RYR3: variants seen among roughly 807,000 people sequenced by gnomAD.
RYR3 encodes the protein ryanodine receptor 3.
In RYR3, 207 loss-of-function variants were observed where a neutral mutation model predicts 584.3. The observed-to-expected ratio is 0.35, with a 90% CI of 0.32 to 0.40. The LOEUF is 0.40. Ranked by LOEUF, RYR3 falls within the 10% of genes least tolerant of loss-of-function variation. The pLI is 1.00. For missense variants in RYR3, 5,616 were observed against 6,089.2 expected, an observed-to-expected ratio of 0.92 and a Z score of 2.59; for synonymous variants, 2,416 against 2,248.5, an observed-to-expected ratio of 1.07 and a Z score of -2.11.
chr15:33,516,358 T>C lies in RYR3; in HGVS notation c.279+12620T>C, dbSNP rs1041016725. On this transcript the variant is annotated intron_variant, in intron 3 of 103. Transcript: ENST00000634891. Reference sequence around the variant, plus strand: ...AAGATCTACTTTTTTTTTTTTTTCCTCCTGAGACGGAATCTCACTCCGTCA... The same window carrying C: ...AAGATCTACTTTTTTTTTTTTTTCCCCCTGAGACGGAATCTCACTCCGTCA... Among the ~76,000 whole-genome samples the C allele has an allele frequency of 5.4e-5, 8 of 149,246 alleles. No individual in the cohort carries two copies. In the Admixed American group the frequency reaches 5.4e-4, roughly 10 times the overall value.
chr15:33,646,582 G>A (rs966334501), intron 29 of RYR3, 56 bp downstream of exon 29: 16 of 1,483,706 alleles, frequency 1.1e-5, no homozygotes, highest in Non-Finnish European at 1.5e-5. Flanking sequence ...TGTAAAGTGG[G>A]CTTTCTGCTT....
chr15:33,766,086 G>T (rs2073034550), intron 60 of RYR3, among the ~76,000 whole-genome samples: 1 of 151,994 alleles, frequency 6.6e-6, no homozygotes, highest in Non-Finnish European at 1.5e-5. Context: ...TTTGAGACCA[G>T]CCTGGCCAAC....
intron 95 of RYR3, among the ~76,000 whole-genome samples, 153 bp from the exon 96 acceptor site, chr15:33,853,402 C>G (rs1234670949): frequency 1.3e-5 from 2 of 152,126 alleles, no homozygotes; most frequent in East Asian, 3.8e-4. Context: ...GCTTTTTTCT[C>G]TGGGTTTTCT....
chr15:33,558,528 T>C (rs952966361), intron 10 of RYR3, among the ~76,000 whole-genome samples: 3 of 152,142 alleles, frequency 2.0e-5, no homozygotes, highest in African/African-American at 7.2e-5. Flanking sequence ...TCCAAGTCTT[T>C]GCTATTGTGA....
At position 33,634,700 on chromosome 15, in the gene RYR3, G is replaced by A. The variant is rs1212421506; in HGVS notation, c.3142G>A (p.Gly1048Arg). The change falls in exon 25 of 104, where the codon GGG becomes AGG. Residue 1048 changes from glycine to arginine, a missense_variant. Physicochemically the swap from Gly to Arg is moderately radical, Grantham distance 125. This residue lies in a region of RYR3 where 1,284 missense variants were observed against 1,344.6 expected (regional missense o/e 0.95). Transcript: ENST00000634891. ...REAVRTFVGY[G>R]YNIEPSDQEL... Reference sequence around the variant, plus strand: ...AGCTGTGCGCACTTTTGTTGGTTACGGGTATAACATTGAGCCATCAGACCA... The same window carrying A: ...AGCTGTGCGCACTTTTGTTGGTTACAGGTATAACATTGAGCCATCAGACCA... 3.1e-6 allele frequency: 5 copies of A among 1,613,926 alleles called. No individual in the cohort carries two copies. The highest frequency in any genetic ancestry group is 4.2e-6 in the Non-Finnish European group (5 of 1,179,844).
chr15:33,454,221 C>T (rs577360207), intron 1 of RYR3, among the ~76,000 whole-genome samples: 38 of 152,310 alleles, frequency 2.5e-4, no homozygotes, highest in Admixed American at 9.2e-4. Context: ...GAAGGACTAA[C>T]GGCACTCTGA....
In RYR3 at chr15:33,827,296, G is replaced by A. The variant is rs372864558; in HGVS notation, c.11334+9G>A. ...ACCTTCTGCGTCTGCAGGTGAGTGG[G>A]AGGGCCTTGGACAATGGGACCTCTC... is the stretch of plus-strand genomic sequence containing the variant. On this transcript the variant is annotated intron_variant, in intron 85 of 103. Transcript: ENST00000634891. The A allele has an allele frequency of 3.2e-6, 5 of 1,551,692 alleles. No homozygotes were observed. The African/African-American group carries it at 5.5e-5, about 17-fold the overall frequency.
chr15:33,837,056 A>T (rs954724895), intron 88 of RYR3, 69 bp downstream of exon 88: 2 of 1,239,872 alleles, frequency 1.6e-6, no homozygotes, highest in Non-Finnish European at 2.3e-6. Context: ...CTTACTGATC[A>T]TGCAGATTAT....
chr15:33,530,768 T>C (rs12900227), intron 4 of RYR3, 102 bp downstream of exon 4: 135,477 of 832,872 alleles, frequency 0.16, 12,530 homozygotes, highest in Middle Eastern at 0.22. Flanking sequence ...GCAGGAACAA[T>C]TGGAACATAA....
At chr15:33,845,402 G>A (rs571089551) in intron 93 of RYR3, among the ~76,000 whole-genome samples, 1 of 152,300 alleles carries the variant, frequency 6.6e-6, no homozygotes, top group Non-Finnish European at 1.5e-5. Context: ...ACAGATGCCT[G>A]CCACCATGCC....
intron 1 of RYR3, among the ~76,000 whole-genome samples, chr15:33,467,989 A>G (rs892783): frequency 0.58 from 88,107 of 151,988 alleles, 26,174 homozygotes; most frequent in African/African-American, 0.73. Context: ...CTTTAGAATC[A>G]GACAGACATG....
intron 1 of RYR3, among the ~76,000 whole-genome samples, chr15:33,456,265 A>C (rs961116942): frequency 6.6e-6 from 1 of 152,202 alleles, no homozygotes; most frequent in Admixed American, 6.5e-5. Context: ...GGAATGCTCC[A>C]GGCTGAATAA....
intron 1 of RYR3, among the ~76,000 whole-genome samples, chr15:33,349,063 C>T (rs1249076037): frequency 1.4e-5 from 2 of 146,220 alleles, no homozygotes; most frequent in African/African-American, 5.0e-5. Flanking sequence ...GCAATATGCA[C>T]TTAAGGTTCC....
At chr15:33,420,230 G>A (rs2044141935) in intron 1 of RYR3, among the ~76,000 whole-genome samples, 1 of 152,050 alleles carries the variant, frequency 6.6e-6, no homozygotes, top group African/African-American at 2.4e-5. Flanking sequence ...GGATGTGTTG[G>A]GCATCCAGCA....
chr15:33,770,445 A>C (rs1458227712), intron 62 of RYR3, among the ~76,000 whole-genome samples: 1 of 152,114 alleles, frequency 6.6e-6, no homozygotes, highest in Non-Finnish European at 1.5e-5. Context: ...TTCCTGACAA[A>C]ACCTGGGACT....
intron 1 of RYR3, among the ~76,000 whole-genome samples, chr15:33,414,787 T>C (rs1000702686): frequency 1.3e-5 from 2 of 152,082 alleles, no homozygotes; most frequent in Non-Finnish European, 2.9e-5. Flanking sequence ...AGAGACAGGG[T>C]TTCACCGTGT....
chr15:33,319,759 C>T (rs771759701), intron 1 of RYR3, among the ~76,000 whole-genome samples: 4 of 152,102 alleles, frequency 2.6e-5, no homozygotes, highest in African/African-American at 9.7e-5. Context: ...CACATTTCCT[C>T]CAGGAGAACT....
intron 16 of RYR3, among the ~76,000 whole-genome samples, chr15:33,597,120 T>C (rs759327981): frequency 6.6e-6 from 1 of 152,214 alleles, no homozygotes; most frequent in Non-Finnish European, 1.5e-5. Flanking sequence ...TTATTACAAA[T>C]TACAAAAGCA....
chr15:33,631,384 C>T lies in RYR3; in HGVS notation c.2867+91C>T, dbSNP rs1197790715. 1.6e-5 allele frequency: 13 copies of T among 791,628 alleles called. No individual in the cohort carries two copies. In the Admixed American group the frequency reaches 3.1e-4, roughly 19 times the overall value. The allele number at this position is 791,628 out of a possible 1,614,324, so 49.0% of individuals were successfully genotyped here. On this transcript the variant is annotated intron_variant, in intron 23 of 103. Transcript: ENST00000634891. The stretch of plus-strand genomic sequence containing the variant: ...GGTGGTACCAAGACAGACAACAGCC[C>T]ACATAGTTGCTAGCACCAGCTCAGA...
Sources: allele counts gnomAD v4.1 joint callset (sites outside exome capture counted in the v4.1 genomes callset), GRCh38; gene constraint gnomAD v4.1.1; regional missense constraint gnomAD v4.1.1; transcripts MANE v1.5; gene names NCBI Gene and HGNC (gene_info 2026-07-23, HGNC 2026-07-21).